The following GSDME variants were observed in gnomAD, a reference collection of about 807,000 sequenced individuals.
The protein encoded by GSDME is gasdermin-E.
GSDME carries 44 observed loss-of-function variants against 47.5 expected under a neutral mutation model. That is an observed-to-expected ratio of 0.93 (90% confidence interval 0.73 to 1.19). The LOEUF (loss-of-function observed/expected upper bound fraction) is 1.19. GSDME is among the 50% of genes most tolerant of loss of function. GSDME has a pLI of 0.00. For missense variants in GSDME, 663 were observed against 604.2 expected (o/e 1.10, Z -1.02); for synonymous variants, 258 against 252.8 (o/e 1.02, Z -0.20).
At chr7:24,768,831 T>G in the GSDME span, among the ~76,000 whole-genome samples, 1 of 152,258 alleles carries the variant, frequency 6.6e-6, no homozygotes, top group Non-Finnish European at 1.5e-5. The surrounding 1 kb of genome is among the most constrained non-coding windows in gnomAD (Gnocchi z 5.6). Flanking sequence ...TGTATTATAT[T>G]GTGTTATTCT....
chr7:24,792,539 C>T, the GSDME span, among the ~76,000 whole-genome samples: 76 of 152,144 alleles, frequency 5.0e-4, no homozygotes, highest in South Asian at 5.0e-3. Flanking sequence ...AAGTTTGAGG[C>T]GAAATTGACT....
At position 24,699,148 on chromosome 7, in the gene GSDME, T is replaced by A. The variant is rs1339553219; in HGVS notation, c.1369A>T (p.Ile457Phe). 3.1e-6 allele frequency: 5 copies of A among 1,614,036 alleles called. No individual in the cohort carries two copies. Among genetic ancestry groups the A allele is most frequent in the Non-Finnish European group, 4.2e-6 (5 of 1,179,878 alleles). Residue 457 changes from isoleucine to phenylalanine, a missense_variant, in exon 10 of 10, where the codon ATT becomes TTT. By Grantham distance (21) the Ile-to-Phe change is conservative. Transcript: ENST00000645220. ...GATGACTTCAGTCTCTCCAGACTAATGTCAGCTGAGGCAAACAAGCGCTGC... is the reference window on the plus strand; with the variant it reads ...GATGACTTCAGTCTCTCCAGACTAAAGTCAGCTGAGGCAAACAAGCGCTGC... ...IVQRLFASAD[I>F]SLERLKSSVK...
the GSDME span, among the ~76,000 whole-genome samples, chr7:24,787,688 G>GT: frequency 8.0e-5 from 12 of 150,618 alleles, no homozygotes; most frequent in African/African-American, 2.2e-4. The surrounding 1 kb of genome is among the most constrained non-coding windows in gnomAD (Gnocchi z 5.0). Flanking sequence ...TTTTTTTTTT[G>GT]TTTTTTGTGG....
At chr7:24,748,741 A>T (rs1235077004) in intron 2 of GSDME, among the ~76,000 whole-genome samples, 1 of 152,052 alleles carries the variant, frequency 6.6e-6, no homozygotes, top group Non-Finnish European at 1.5e-5. Context: ...CCATGGTGTC[A>T]GTGAAAGCTC....
chr7:24,698,747 C>A lies in GSDME; in HGVS notation c.*279G>T. The A allele has an allele frequency of 2.1e-6, 1 of 466,446 alleles. No individual in the cohort carries two copies. The highest frequency in any genetic ancestry group is 2.1e-5 in the South Asian group (1 of 46,688). The allele number at this position is 466,446 out of a possible 1,614,324, so 28.9% of individuals were successfully genotyped here. ...ACTTATTATTGTGCAGAAAAAACGT[C>A]TGAATGTATGCTAAGAATTCTCCGC... On this transcript the variant is annotated 3_prime_UTR_variant, in exon 10 of 10. Transcript: ENST00000645220.
intron 7 of GSDME, among the ~76,000 whole-genome samples, chr7:24,706,584 G>C (rs575078100): frequency 1.9e-4 from 29 of 152,248 alleles, no homozygotes; most frequent in Non-Finnish European, 2.5e-4. Flanking sequence ...GGCCCACGAG[G>C]GTTGGGGGCG....
the GSDME span, among the ~76,000 whole-genome samples, chr7:24,791,731 G>C: frequency 6.6e-6 from 1 of 152,152 alleles, no homozygotes; most frequent in African/African-American, 2.4e-5. The surrounding 1 kb of genome is among the most constrained non-coding windows in gnomAD (Gnocchi z 4.8). Flanking sequence ...TTATTCGGCA[G>C]AGTGTCCAGT....
the GSDME span, among the ~76,000 whole-genome samples, chr7:24,783,687 C>A: frequency 6.6e-6 from 1 of 151,986 alleles, no homozygotes; most frequent in African/African-American, 2.4e-5. Context: ...GGGCTCCATT[C>A]TAAGAGTCTG....
chr7:24,761,545 C>T (rs1243101856), upstream of GSDME, among the ~76,000 whole-genome samples: 3 of 152,290 alleles, frequency 2.0e-5, no homozygotes, highest in East Asian at 5.8e-4. The surrounding 1 kb of genome is among the most constrained non-coding windows in gnomAD (Gnocchi z 4.4). Flanking sequence ...TCCCAAAGGC[C>T]CCACCTCCTG....
chr7:24,702,530 G>GT, intron 9 of GSDME: 1 of 477,724 alleles, frequency 2.1e-6, no homozygotes, highest in South Asian at 1.8e-5. Context: ...CAAGGATGAA[G>GT]TCCTGGACCT....
At position 24,705,879 on chromosome 7, in the gene GSDME, C is replaced by T. The variant is rs891163755; in HGVS notation, c.1183+305G>A. On this transcript the variant is annotated intron_variant, in intron 8 of 9. Coordinates refer to ENST00000645220, the MANE Select transcript of GSDME (RefSeq NM_001127453.2). The surrounding 1 kb of genome is among the most constrained non-coding windows in gnomAD (Gnocchi z 4.1). ...GCTGGGACTCCGGAGTGAACCACAGCCTGTCAGGGAGATGCTTGCTTTTGT... is the reference window on the plus strand; with the variant it reads ...GCTGGGACTCCGGAGTGAACCACAGTCTGTCAGGGAGATGCTTGCTTTTGT... 14 of 458,486 alleles carry T rather than the reference C, an allele frequency of 3.1e-5. No individual in the cohort carries two copies. Among genetic ancestry groups the T allele is most frequent in the Middle Eastern group, 6.3e-4 (1 of 1,598 alleles). The allele number at this position is 458,486 out of a possible 1,614,324, so 28.4% of individuals were successfully genotyped here. A position where few individuals can be genotyped will look rare whatever the true frequency, so the allele number is the denominator to read the frequency against.
chr7:24,725,787 G>T lies in GSDME; in HGVS notation c.405-6569C>A, dbSNP rs949814841. On this transcript the variant is annotated intron_variant, in intron 3 of 9. Transcript: ENST00000645220. The surrounding 1 kb of genome is among the most constrained non-coding windows in gnomAD (Gnocchi z 5.1). ...GGGTGTGACGCCGGGCTGTCTGCTT[G>T]TGGATTTCATTTCTGCCTTTTAGTT... 3.9e-5 allele frequency among the ~76,000 whole-genome samples: 6 copies of T among 152,132 alleles called. No homozygotes were observed. The highest frequency in any genetic ancestry group is 1.4e-4 in the African/African-American group (6 of 41,420).
chr7:24,772,432 A>T, the GSDME span, among the ~76,000 whole-genome samples: 1 of 152,156 alleles, frequency 6.6e-6, no homozygotes, highest in Non-Finnish European at 1.5e-5. This position sits in a 1 kb window ranked among gnomAD's most constrained non-coding sequence, Gnocchi z 4.5. Flanking sequence ...TGTCTGTTTT[A>T]TGTAGGTTCC....
intron 6 of GSDME, 40 bp downstream of exon 6, chr7:24,710,184 G>A: frequency 1.9e-6 from 3 of 1,605,762 alleles, no homozygotes; most frequent in South Asian, 1.1e-5. Flanking sequence ...GGGCTCAGTT[G>A]GCCCTCAACT....
rs1789041849 is a variant in GSDME at position 24,705,141 on chromosome 7, T to C, written c.1183+1043A>G. 1 of 152,180 alleles carries C rather than the reference T, an allele frequency of 6.6e-6. No homozygotes were observed. The highest frequency in any genetic ancestry group is 1.5e-5 in the Non-Finnish European group (1 of 68,050). 9.4% of individuals were successfully genotyped at this position (152,180 alleles called of 1,614,324 possible). On this transcript the variant is annotated intron_variant, in intron 8 of 9. Transcript: ENST00000645220. This position sits in a 1 kb window ranked among gnomAD's most constrained non-coding sequence, Gnocchi z 4.1. The stretch of plus-strand genomic sequence containing the variant: ...TAATGGGGTATATGAAGAAAAGACC[T>C]CTCACAAGTCGGAGAACTCTGGCCT...
At chr7:24,737,963 G>C (rs1431727062) in intron 3 of GSDME, among the ~76,000 whole-genome samples, 1 of 151,754 alleles carries the variant, frequency 6.6e-6, no homozygotes, top group East Asian at 1.9e-4. Context: ...ACTGCACATA[G>C]AAGGAACATA....
intron 9 of GSDME, chr7:24,702,431 G>A: frequency 2.8e-6 from 1 of 362,230 alleles, no homozygotes; most frequent in Non-Finnish European, 5.4e-6. Context: ...ATAATATGGT[G>A]TCAGGCCCCT....
At position 24,744,994 on chromosome 7, in the gene GSDME, T is replaced by C. The variant is rs1466959540; in HGVS notation, c.212-240A>G. 2.2e-5 allele frequency among the ~76,000 whole-genome samples: 2 copies of C among 89,470 alleles called. No homozygotes were observed. Among genetic ancestry groups the C allele is most frequent in the Non-Finnish European group, 3.9e-5 (2 of 50,776 alleles). The allele number at this position is 89,470 out of a possible 152,430, so 58.7% of individuals were successfully genotyped here. ...TGGACCAGTGCAGCACGTGTGTGTG[T>C]GTGTGTGTGTGTGTGTGTGTGTGTG... On this transcript the variant is annotated intron_variant, in intron 2 of 9. Coordinates refer to ENST00000645220, the MANE Select transcript of GSDME (RefSeq NM_001127453.2). This position sits in a 1 kb window ranked among gnomAD's most constrained non-coding sequence, Gnocchi z 4.5.
At chr7:24,788,691 G>A in the GSDME span, among the ~76,000 whole-genome samples, 1 of 152,192 alleles carries the variant, frequency 6.6e-6, no homozygotes, top group Non-Finnish European at 1.5e-5. This position sits in a 1 kb window ranked among gnomAD's most constrained non-coding sequence, Gnocchi z 4.6. Context: ...CTAATGGCTT[G>A]GAACTTATGC....
Sources: allele counts gnomAD v4.1 joint callset (sites outside exome capture counted in the v4.1 genomes callset), GRCh38; gene constraint gnomAD v4.1.1; non-coding constraint Gnocchi (gnomAD v3.1); transcripts MANE v1.5; gene names NCBI Gene and HGNC (gene_info 2026-07-23, HGNC 2026-07-21).